MAP3K7CL: variants seen among roughly 807,000 people sequenced by gnomAD.
The protein encoded by MAP3K7CL is MAP3K7 C-terminal like.
MAP3K7CL carries 16 observed loss-of-function variants against 18.6 expected under a neutral mutation model. The ratio of observed to expected loss-of-function variants is 0.86; its 90% CI spans 0.58 to 1.31. The LOEUF is 1.31. Ranked by LOEUF, MAP3K7CL falls within the 50% of genes most tolerant of loss-of-function variation. The pLI, the probability that MAP3K7CL is intolerant of heterozygous loss-of-function variation, is 0.00. For synonymous variants in MAP3K7CL, 65 were observed against 66.8 expected (o/e 0.97, Z 0.13); for missense variants, 163 against 174.4 (o/e 0.93, Z 0.37).
intron 4 of MAP3K7CL, among the ~76,000 whole-genome samples, chr21:29,171,952 A>G (rs879434615): frequency 2.6e-5 from 4 of 151,902 alleles, no homozygotes; most frequent in Admixed American, 2.6e-4. Flanking sequence ...ATATACATAT[A>G]TACATATGTG....
intron 2 of MAP3K7CL, among the ~76,000 whole-genome samples, chr21:29,142,891 A>C (rs2087039509): frequency 6.6e-6 from 1 of 152,180 alleles, no homozygotes; most frequent in South Asian, 2.1e-4. Flanking sequence ...CGAGATTCAA[A>C]TGCAAGTCTG....
At chr21:29,080,501 A>C (rs573063147) in intron 1 of MAP3K7CL, 1 of 152,136 alleles carries the variant, frequency 6.6e-6, no homozygotes, top group African/African-American at 2.4e-5. Context: ...GAGATGATGC[A>C]TTTTTGGCAC....
At chr21:29,162,469 G>A (rs1282584464) in intron 4 of MAP3K7CL, among the ~76,000 whole-genome samples, 2 of 151,792 alleles carry the variant, frequency 1.3e-5, no homozygotes, top group Non-Finnish European at 2.9e-5. Flanking sequence ...ATCACCTGAG[G>A]TCAGGAGTTC....
chr21:29,110,608 G>C (rs2086402372), intron 4 of MAP3K7CL, among the ~76,000 whole-genome samples: 1 of 152,050 alleles, frequency 6.6e-6, no homozygotes, highest in African/African-American at 2.4e-5. Flanking sequence ...TGTTGGCCAG[G>C]CTGGTCTCAA....
chr21:29,140,820 C>G (rs1229758626), intron 2 of MAP3K7CL, among the ~76,000 whole-genome samples: 2 of 152,214 alleles, frequency 1.3e-5, no homozygotes, highest in Admixed American at 6.5e-5. Flanking sequence ...CTGTGTCACC[C>G]AGGCTGGAGT....
chr21:29,168,105 A>G (rs2087736961), intron 4 of MAP3K7CL, among the ~76,000 whole-genome samples: 1 of 152,196 alleles, frequency 6.6e-6, no homozygotes, highest in Non-Finnish European at 1.5e-5. Context: ...TCACTTTTAT[A>G]TACCTAAGAT....
chr21:29,120,609 C>T (rs1000687868), intron 4 of MAP3K7CL, among the ~76,000 whole-genome samples: 9 of 152,164 alleles, frequency 5.9e-5, no homozygotes, highest in Admixed American at 6.5e-5. Flanking sequence ...CATGGGATTT[C>T]GACATATTCT....
chr21:29,093,240 A>G (rs1004290094), intron 4 of MAP3K7CL, among the ~76,000 whole-genome samples: 3 of 152,220 alleles, frequency 2.0e-5, no homozygotes, highest in Admixed American at 1.3e-4. Context: ...ATAATAGCTC[A>G]TATAATAACT....
chr21:29,081,682 T>G (rs2085838702), upstream of MAP3K7CL, among the ~76,000 whole-genome samples: 1 of 152,280 alleles, frequency 6.6e-6, no homozygotes, highest in African/African-American at 2.4e-5. Flanking sequence ...TCTTTTATTA[T>G]GAATTCATCA....
chr21:29,148,235 G>T (rs376602678), intron 2 of MAP3K7CL, among the ~76,000 whole-genome samples: 1 of 151,636 alleles, frequency 6.6e-6, no homozygotes, highest in Non-Finnish European at 1.5e-5. Context: ...GTATGTGTAG[G>T]TATACTGTAT....
intron 1 of MAP3K7CL, among the ~76,000 whole-genome samples, chr21:29,079,861 C>T (rs1346015424): frequency 6.6e-6 from 1 of 152,186 alleles, no homozygotes; most frequent in Non-Finnish European, 1.5e-5. Flanking sequence ...TATAATCACT[C>T]CCTGCTTATT....
At chr21:29,165,326 T>C (rs1296797474) in intron 4 of MAP3K7CL, among the ~76,000 whole-genome samples, 1 of 152,156 alleles carries the variant, frequency 6.6e-6, no homozygotes, top group African/African-American at 2.4e-5. Flanking sequence ...TATTTATTCA[T>C]TTTAATTTTT....
Position 29,173,832 on chromosome 21 carries a change from G to A in MAP3K7CL, c.249-880G>A, listed in dbSNP as rs1419757264. Among the ~76,000 whole-genome samples the A allele has an allele frequency of 3.3e-5, 5 of 152,238 alleles. No homozygotes were observed. The East Asian group carries it at 7.7e-4, about 24-fold the overall frequency. The stretch of plus-strand genomic sequence containing the variant: ...TCCTCCTGCCACAGCCTCCCGAGTA[G>A]CTGGAACTGCAGTTGTCAGCCATCA... On this transcript the variant is annotated intron_variant, in intron 4 of 4. Transcript: ENST00000399928.
chr21:29,136,107 T>G (rs1202049284), intron 2 of MAP3K7CL, among the ~76,000 whole-genome samples: 1 of 152,176 alleles, frequency 6.6e-6, no homozygotes, highest in African/African-American at 2.4e-5. Context: ...GAAAACCTCC[T>G]CCTATGTTTT....
intron 3 of MAP3K7CL, among the ~76,000 whole-genome samples, chr21:29,149,694 C>T (rs2087225322): frequency 6.6e-6 from 1 of 152,174 alleles, no homozygotes; most frequent in South Asian, 2.1e-4. Flanking sequence ...TCTCTGACAA[C>T]TTTTAATGGA....
At chr21:29,119,209 T>TATTC (rs1244758314) in intron 4 of MAP3K7CL, among the ~76,000 whole-genome samples, 1 of 152,236 alleles carries the variant, frequency 6.6e-6, no homozygotes, top group Non-Finnish European at 1.5e-5. Context: ...CGTGTAAATG[T>TATTC]ATTCACAGCT....
Position 29,159,925 on chromosome 21 carries a change from C to G in MAP3K7CL, c.133-16C>G, listed in dbSNP as rs375230417. On this transcript the variant is annotated splice_polypyrimidine_tract_variant and intron_variant, in intron 3 of 4. Coordinates refer to ENST00000399928, the MANE Select transcript of MAP3K7CL (RefSeq NM_001286620.2). Reference sequence around the variant, plus strand: ...ATGCAAAGAAATGGACTAATTTCTTCTTGTTGTTTGTGAAGCCCCTGCCGC... The same window carrying G: ...ATGCAAAGAAATGGACTAATTTCTTGTTGTTGTTTGTGAAGCCCCTGCCGC... 13 of 1,600,670 alleles carry G rather than the reference C, an allele frequency of 8.1e-6. No homozygotes were observed. In the South Asian group the frequency reaches 1.2e-4, roughly 15 times the overall value.
At chr21:29,102,622 T>G (rs1201100126) in intron 4 of MAP3K7CL, 3 of 152,044 alleles carry the variant, frequency 2.0e-5, no homozygotes, top group African/African-American at 7.2e-5. Flanking sequence ...TGGCTGAAAT[T>G]GAATTGATTC....
intron 2 of MAP3K7CL, among the ~76,000 whole-genome samples, chr21:29,147,289 G>A: frequency 6.6e-6 from 1 of 151,920 alleles, no homozygotes; most frequent in East Asian, 1.9e-4. Context: ...TACTGCATAT[G>A]TAGTATATGC....
Sources: gnomAD v4.1 joint callset for allele counts (sites outside exome capture counted in the v4.1 genomes callset) on GRCh38, gnomAD v4.1.1 for gene constraint, MANE v1.5 for transcripts, NCBI Gene and HGNC (gene_info 2026-07-23, HGNC 2026-07-21) for gene names.